Variants in SNAPC4 observed in about 807,000 individuals in gnomAD.
The protein encoded by SNAPC4 is snRNA-activating protein complex subunit 4.
In SNAPC4, 127 loss-of-function variants were observed where a neutral mutation model predicts 151.3. The observed-to-expected ratio is 0.84, with a 90% confidence interval of 0.73 to 0.97. SNAPC4 has a LOEUF of 0.97. Ranked by LOEUF, SNAPC4 falls within the 50% of genes least tolerant of loss-of-function variation. The pLI is 0.00. For synonymous variants in SNAPC4, 1,002 were observed against 824.4 expected, an observed-to-expected ratio of 1.22 and a Z score of -3.69; for missense variants, 2,186 against 1,935.0, an observed-to-expected ratio of 1.13 and a Z score of -2.43.
chr9:136,376,389 G>C lies in SNAPC4; in HGVS notation c.4377C>G (p.Ala1459=). 1.2e-6 allele frequency: 2 copies of C among 1,613,382 alleles called. No homozygotes were observed. The highest frequency in any genetic ancestry group is 1.7e-6 in the Non-Finnish European group (2 of 1,179,964). The change falls in exon 23 of 24, where the codon GCC becomes GCG. Residue 1459 remains alanine, a synonymous_variant. Transcript: ENST00000684778. ...GCCGCCTCCGCTTCCGGGTGTGCCT[G>C]GCATGCCGGGTTCTGAGCACGTCCA... The part of the protein sequence containing the change: ...DDLDVLRTRH[A]RHTRKRRRLV
Position 136,381,372 on chromosome 9 carries a change from G to T in SNAPC4, c.2338C>A (p.Leu780Met). ...GTGCTGGCCAGGCGGGCCTGCTGCA[G>T]CTGCTCCCTGAGGCCATCCGCTGCG... ...QTQADGLREQ[L>M]QQARLASTPV... Residue 780 changes from leucine to methionine, a missense_variant, in exon 19 of 24, where the codon CTG becomes ATG. Physicochemically the swap from Leu to Met is conservative, Grantham distance 15. Coordinates refer to ENST00000684778, the MANE Select transcript of SNAPC4 (RefSeq NM_003086.4). 1 of 1,612,784 alleles carries T rather than the reference G, an allele frequency of 6.2e-7. No homozygotes were observed. The highest frequency in any genetic ancestry group is 8.5e-7 in the Non-Finnish European group (1 of 1,179,856).
intron 9 of SNAPC4, 42 bp downstream of exon 9, chr9:136,392,480 G>A (rs374890942): frequency 6.3e-6 from 10 of 1,577,050 alleles, no homozygotes; most frequent in Admixed American, 1.7e-5. Flanking sequence ...ACAGGGAGCT[G>A]TGCTCCAAGC....
rs1304942193 is a variant in SNAPC4 at position 136,377,603 on chromosome 9, C to T, written c.4224G>A (p.Glu1408=). 6.5e-7 allele frequency: 1 copy of T among 1,540,122 alleles called. No individual in the cohort carries two copies. The highest frequency in any genetic ancestry group is 1.2e-5 in the South Asian group (1 of 81,846). The change falls in exon 22 of 24, where the codon GAG becomes GAA. Residue 1408 remains glutamate (E), a synonymous_variant. Coordinates refer to ENST00000684778, the MANE Select transcript of SNAPC4 (RefSeq NM_003086.4). ...SESEDEDLLS[E]LELADRDGQP... is the part of the protein sequence containing the mutation. ...GCCCGTCCCTGTCTGCAAGTTCCAG[C>T]TCACTCAGGAGGTCTTCATCCTCAC...
chr9:136,392,579 C>T lies in SNAPC4; in HGVS notation c.753G>A (p.Glu251=). 6.2e-7 allele frequency: 1 copy of T among 1,613,908 alleles called. No individual in the cohort carries two copies. The highest frequency in any genetic ancestry group is 8.5e-7 in the Non-Finnish European group (1 of 1,180,034). Reference sequence around the variant, plus strand: ...TGTCCAGCCTGTTTCCCAGCAAGGCCTCTTCTGGAAGCTGGCTGGTGGAAG... The same window carrying T: ...TGTCCAGCCTGTTTCCCAGCAAGGCTTCTTCTGGAAGCTGGCTGGTGGAAG... ...EIQDINQLPE[E]ALLGNRLDSH... The change falls in exon 9 of 24, where the codon GAG becomes GAA. Residue 251 remains glutamate (E), a synonymous_variant. Transcript: ENST00000684778.
At chr9:136,384,979 C>T (rs1170029186) in intron 13 of SNAPC4, among the ~76,000 whole-genome samples, 165 bp from the exon 14 acceptor site, 1 of 152,100 alleles carries the variant, frequency 6.6e-6, no homozygotes, top group Middle Eastern at 3.2e-3. Flanking sequence ...TTTTGTGTCC[C>T]AAAGGACACC....
At chr9:136,384,679 C>T in intron 14 of SNAPC4, 41 bp downstream of exon 14, 2 of 1,088,716 alleles carry the variant, frequency 1.8e-6, no homozygotes, top group South Asian at 2.8e-5. Flanking sequence ...AAACAAAAAA[C>T]AAAAAAAAGA....
At chr9:136,381,107 C>T (rs1034032228) in intron 19 of SNAPC4, among the ~76,000 whole-genome samples, 4 of 152,198 alleles carry the variant, frequency 2.6e-5, no homozygotes, top group African/African-American at 7.2e-5. Flanking sequence ...CCCCCTTCCC[C>T]GGACACTGTT....
Position 136,384,878 on chromosome 9 carries a change from A to C in SNAPC4, c.1326-64T>G, listed in dbSNP as rs991335834. On this transcript the variant is annotated intron_variant, in intron 13 of 23. Transcript: ENST00000684778. ...CGAGACGCCGCCCGCTGCTGCCCCAAGCTTCTTTAATGGTTTCTTGGATAT... is the reference window on the plus strand; with the variant it reads ...CGAGACGCCGCCCGCTGCTGCCCCACGCTTCTTTAATGGTTTCTTGGATAT... 1.8e-4 allele frequency: 150 copies of C among 853,014 alleles called. 1 individual carries two copies. The African/African-American group carries it at 1.9e-3, about 11-fold the overall frequency. The allele number at this position is 853,014 out of a possible 1,614,324, so 52.8% of individuals were successfully genotyped here.
Position 136,392,773 on chromosome 9 carries a change from C to T in SNAPC4, c.637G>A (p.Glu213Lys), listed in dbSNP as rs773323367. The T allele has an allele frequency of 9.3e-6, 15 of 1,613,056 alleles. No individual in the cohort carries two copies. Among genetic ancestry groups the T allele is most frequent in the African/African-American group, 2.7e-5 (2 of 74,940 alleles). The change falls in exon 8 of 24, where the codon GAG (glutamate) becomes AAG (lysine). Residue 213 changes from glutamate (E) to lysine (K), a missense_variant. By Grantham distance (56) the Glu-to-Lys change is moderately conservative. Coordinates refer to ENST00000684778, the MANE Select transcript of SNAPC4 (RefSeq NM_003086.4). ...TTGCTCTGCTTCTGGTGCAAGTACT[C>T]GAGCCTGCAAAGCAGAGCAGAGGCA... ...RLLQPKLLKL[E>K]YLHQKQSKVS...
Position 136,387,484 on chromosome 9 carries a change from C to A in SNAPC4, c.1325+1G>T, listed in dbSNP as rs1373890461. 2 of 1,606,174 alleles carry A rather than the reference C, an allele frequency of 1.2e-6. No individual in the cohort carries two copies. Among genetic ancestry groups the A allele is most frequent in the African/African-American group, 1.3e-5 (1 of 74,802 alleles). On this transcript the variant is annotated splice_donor_variant, in intron 13 of 23. Coordinates refer to ENST00000684778, the MANE Select transcript of SNAPC4 (RefSeq NM_003086.4). LOFTEE classifies it high-confidence loss of function. ...CCCTCGCTCAGCGCTGTGCGACTCA[C>A]CGATCTCGGCACTGGGCATCGCTCC...
Position 136,377,750 on chromosome 9 carries a change from C to G in SNAPC4, c.4077G>C (p.Pro1359=), listed in dbSNP as rs145667127. 1.2e-4 allele frequency: 200 copies of G among 1,610,378 alleles called. No individual in the cohort carries two copies. Among genetic ancestry groups the G allele is most frequent in the Non-Finnish European group, 1.6e-4 (186 of 1,178,552 alleles). The change falls in exon 22 of 24, where the codon CCG becomes CCC. Residue 1359 remains proline, a synonymous_variant. Transcript: ENST00000684778. ...ACCGCGCCCGCAACAGGAGGTAGGC[C>G]GGGTTGTCCTGGAGCTGCCCCCGCA... ...GLVRGQLQDN[P]AYLLLRARFL...
At chr9:136,390,677 G>A (rs1413169183) in intron 10 of SNAPC4, among the ~76,000 whole-genome samples, 4 of 151,008 alleles carry the variant, frequency 2.6e-5, no homozygotes, top group Non-Finnish European at 2.9e-5. Context: ...GCTCACCTAC[G>A]GAACCAAACT....
Position 136,392,502 on chromosome 9 carries a change from C to G in SNAPC4, c.810+20G>C. On this transcript the variant is annotated intron_variant, in intron 9 of 23. Transcript: ENST00000684778. ...GCTGTGCTCCAAGCTGCTTGGGGCT[C>G]AGACCTGCCCCTGACTTACGTTAAT... 1 of 1,612,118 alleles carries G rather than the reference C, an allele frequency of 6.2e-7. No individual in the cohort carries two copies. The highest frequency in any genetic ancestry group is 8.5e-7 in the Non-Finnish European group (1 of 1,178,970).
rs148139308 is a variant in SNAPC4 at position 136,383,313 on chromosome 9, G to A, written c.1856C>T (p.Ala619Val). ...GGSKEASTTA[A>V]APGEETSPVQ... ...CGGACTCGTCTCCTCTCCAGGAGCC[G>A]CGGCTGTGGTGGAAGCTTCCTTGCT... Residue 619 changes from alanine to valine, a missense_variant, in exon 16 of 24, where the codon GCG (alanine) becomes GTG (valine). Transcript: ENST00000684778. The surrounding 1 kb of genome is among the most constrained non-coding windows in gnomAD (Gnocchi z 4.2). The A allele has an allele frequency of 2.9e-4, 466 of 1,611,890 alleles. 2 individuals are homozygous for A. In the African/African-American group the frequency reaches 5.6e-3, roughly 19 times the overall value.
At position 136,383,650 on chromosome 9, in the gene SNAPC4, T is replaced by G; in HGVS notation, c.1519A>C (p.Arg507=). Residue 507 remains arginine, a synonymous_variant, in exon 16 of 24, where the codon AGG becomes CGG. Transcript: ENST00000684778. The surrounding 1 kb of genome is among the most constrained non-coding windows in gnomAD (Gnocchi z 4.2). The part of the protein sequence containing the change: ...IMMGKKQGLR[R]RRRRARHSVR... ...CTGTGACGGGCCCTCCGCCGCCGCC[T>G]CCGGAGACCCTGCTTCTTCTGAGGG... The G allele has an allele frequency of 6.2e-7, 1 of 1,606,896 alleles. No homozygotes were observed. Among genetic ancestry groups the G allele is most frequent in the South Asian group, 1.1e-5 (1 of 90,330 alleles).
In SNAPC4 at chr9:136,398,487, A is replaced by T. The variant is rs886508295; in HGVS notation, c.-9-50T>A. 43 of 1,590,980 alleles carry T rather than the reference A, an allele frequency of 2.7e-5. No individual in the cohort carries two copies. In the Admixed American group the frequency reaches 7.3e-4, roughly 27 times the overall value. ...TGTTAGAAACCAAGACCGTGCCGGG[A>T]TCCCATTCTCCTTCAGACACACCCG... is the stretch of plus-strand genomic sequence containing the variant. On this transcript the variant is annotated intron_variant, in intron 1 of 23. Transcript: ENST00000684778.
intron 1 of SNAPC4, among the ~76,000 whole-genome samples, chr9:136,399,261 C>T (rs1332414443): frequency 6.6e-6 from 1 of 152,232 alleles, no homozygotes; most frequent in Non-Finnish European, 1.5e-5. Context: ...TGGGGCCCTG[C>T]CCAACTGGAA....
chr9:136,387,790 G>A lies in SNAPC4; in HGVS notation c.1182C>T (p.Ser394=), dbSNP rs1455235649. The change falls in exon 12 of 24, where the codon AGC becomes AGT. Residue 394 remains serine (S), a synonymous_variant. Transcript: ENST00000684778. ...SMQLIYRWTK[S]LDPGLKKGYW... is the part of the protein sequence containing the mutation. ...AACCCTTCTTCAGACCAGGATCCAA[G>A]CTCTTGGTCCATCGGTAGATCAGCT... 4.3e-6 allele frequency: 7 copies of A among 1,613,170 alleles called. No individual in the cohort carries two copies. Among genetic ancestry groups the A allele is most frequent in the South Asian group, 1.1e-5 (1 of 91,058 alleles).
chr9:136,381,521 G>T (rs1833691549), intron 18 of SNAPC4, 129 bp from the exon 19 acceptor site: 2 of 852,770 alleles, frequency 2.3e-6, no homozygotes, highest in Non-Finnish European at 3.8e-6. Context: ...GGTGGGAGGG[G>T]AGGCCTTGGA....
Sources: gnomAD v4.1 joint callset for allele counts (sites outside exome capture counted in the v4.1 genomes callset) on GRCh38, gnomAD v4.1.1 for gene constraint, Gnocchi (gnomAD v3.1) non-coding constraint, MANE v1.5 for transcripts, NCBI Gene and HGNC (gene_info 2026-07-23, HGNC 2026-07-21) for gene names.